Variants in CACNA1E observed in about 807,000 individuals in gnomAD.
The protein encoded by CACNA1E is voltage-dependent R-type calcium channel subunit alpha-1E.
CACNA1E carries 40 observed loss-of-function variants against 259.2 expected under a neutral mutation model. The observed-to-expected ratio is 0.15, with a 90% CI of 0.12 to 0.20. The LOEUF (loss-of-function observed/expected upper bound fraction) is 0.20. CACNA1E is among the 10% of genes least tolerant of loss of function. The probability of loss-of-function intolerance (pLI) is 1.00; values close to 1 mark genes in which losing one functional copy is unlikely to be tolerated. For synonymous variants in CACNA1E, 1,104 were observed against 1,138.5 expected, an observed-to-expected ratio of 0.97 and a Z score of 0.61; for missense variants, 1,874 against 3,040.1, an observed-to-expected ratio of 0.62 and a Z score of 9.02.
intron 1 of CACNA1E, among the ~76,000 whole-genome samples, chr1:181,345,881 T>A (rs916088478): frequency 1.3e-5 from 2 of 149,232 alleles, no homozygotes; most frequent in Admixed American, 1.3e-4. Flanking sequence ...GGGGAGAGAG[T>A]GGCCACAGGA....
At chr1:181,660,186 C>T (rs575581604) in intron 7 of CACNA1E, among the ~76,000 whole-genome samples, 1 of 152,352 alleles carries the variant, frequency 6.6e-6, no homozygotes, top group African/African-American at 2.4e-5. Context: ...GGTTGCATCT[C>T]ATGAATGCAT....
intron 1 of CACNA1E, among the ~76,000 whole-genome samples, chr1:181,379,386 T>G (rs1318768079): frequency 6.6e-6 from 1 of 152,086 alleles, no homozygotes; most frequent in African/African-American, 2.4e-5. Context: ...AAAAGAAACA[T>G]GAAGAAAACT....
In CACNA1E at chr1:181,589,478, G is replaced by A. The variant is rs567872682; in HGVS notation, c.951+8702G>A. Among the ~76,000 whole-genome samples, 12 of 152,192 alleles carry A rather than the reference G, an allele frequency of 7.9e-5. No homozygotes were observed. In the South Asian group the frequency reaches 2.5e-3, roughly 32 times the overall value. On this transcript the variant is annotated intron_variant, in intron 6 of 47. Transcript: ENST00000367573. ...GTACATACATATACTTGTAACAATAGGGCAAACTAAATATAGCGAATAATT... is the reference window on the plus strand; with the variant it reads ...GTACATACATATACTTGTAACAATAAGGCAAACTAAATATAGCGAATAATT...
chr1:181,474,677 T>C (rs927972774), intron 2 of CACNA1E, among the ~76,000 whole-genome samples: 5 of 152,242 alleles, frequency 3.3e-5, no homozygotes, highest in Non-Finnish European at 7.3e-5. Flanking sequence ...GTAGTTGATA[T>C]GGGTTTTTTT....
intron 6 of CACNA1E, among the ~76,000 whole-genome samples, chr1:181,622,982 A>G (rs1165653926): frequency 6.6e-6 from 1 of 152,150 alleles, no homozygotes; most frequent in Non-Finnish European, 1.5e-5. Flanking sequence ...GAAATTTTCT[A>G]ATTTCTTTTA....
intron 38 of CACNA1E, among the ~76,000 whole-genome samples, chr1:181,777,827 G>C (rs192949203): frequency 2.0e-5 from 3 of 152,268 alleles, no homozygotes; most frequent in Admixed American, 2.0e-4. Context: ...GATATCTATG[G>C]GATTGGGAGC....
At chr1:181,350,683 C>A (rs1652979159) in intron 1 of CACNA1E, among the ~76,000 whole-genome samples, 1 of 152,194 alleles carries the variant, frequency 6.6e-6, no homozygotes, top group Non-Finnish European at 1.5e-5. Context: ...TCCACCCAGA[C>A]TGGGGCTCTG....
intron 7 of CACNA1E, among the ~76,000 whole-genome samples, chr1:181,655,026 C>T (rs1572503978): frequency 7.4e-6 from 1 of 135,948 alleles, no homozygotes; most frequent in Non-Finnish European, 1.6e-5. Context: ...ATCTTAAGAA[C>T]ATAGATTTTA....
chr1:181,372,662 C>T (rs546439138), intron 1 of CACNA1E, among the ~76,000 whole-genome samples: 26 of 152,096 alleles, frequency 1.7e-4, no homozygotes, highest in African/African-American at 5.8e-4. Context: ...GAGTGGGCAT[C>T]GTTATCTTGT....
intron 16 of CACNA1E, among the ~76,000 whole-genome samples, 154 bp from the exon 17 acceptor site, chr1:181,724,316 C>T (rs569729094): frequency 6.6e-6 from 1 of 152,294 alleles, no homozygotes; most frequent in African/African-American, 2.4e-5. Flanking sequence ...TACAACATCT[C>T]CCTCTCTGTT....
rs1408691322 is a variant in CACNA1E, at chr1:181,732,300, G to A, written c.2298-84G>A. The A allele has an allele frequency of 1.5e-5, 21 of 1,442,604 alleles. No individual in the cohort carries two copies. Among genetic ancestry groups the A allele is most frequent in the Non-Finnish European group, 1.9e-5 (21 of 1,100,600 alleles). 89.4% of individuals were successfully genotyped at this position (1,442,604 alleles called of 1,614,324 possible). ...CCCATTTGCCCCCACCATGTGTCCTGCCCTCTCACATGGCCCCTGTGGCCA... is the reference window on the plus strand; with the variant it reads ...CCCATTTGCCCCCACCATGTGTCCTACCCTCTCACATGGCCCCTGTGGCCA... On this transcript the variant is annotated intron_variant, in intron 19 of 47. Coordinates refer to ENST00000367573, the MANE Select transcript of CACNA1E (RefSeq NM_001205293.3). This position sits in a 1 kb window ranked among gnomAD's most constrained non-coding sequence, Gnocchi z 5.5.
intron 6 of CACNA1E, among the ~76,000 whole-genome samples, chr1:181,595,860 A>G (rs1474988619): frequency 6.6e-6 from 1 of 152,222 alleles, no homozygotes; most frequent in Admixed American, 6.5e-5. Flanking sequence ...TGTACCTATC[A>G]GCACACCATG....
chr1:181,683,240 T>G (rs537310217), intron 7 of CACNA1E, among the ~76,000 whole-genome samples: 52 of 152,358 alleles, frequency 3.4e-4, no homozygotes, highest in Non-Finnish European at 6.6e-4. Flanking sequence ...ATAGAATTCT[T>G]GTCTGAATTA....
intron 3 of CACNA1E, among the ~76,000 whole-genome samples, chr1:181,543,850 C>G (rs1253123551): frequency 1.3e-5 from 2 of 152,136 alleles, no homozygotes; most frequent in African/African-American, 2.4e-5. Context: ...AAATATTGAG[C>G]AGGAATATGG....
chr1:181,420,327 C>T lies in CACNA1E; in HGVS notation c.434+6747C>T, dbSNP rs556676900. 6.6e-5 allele frequency among the ~76,000 whole-genome samples: 10 copies of T among 152,180 alleles called. No individual in the cohort carries two copies. The East Asian group carries it at 1.7e-3, about 26-fold the overall frequency. ...ATTTTCTTGTACAGAATGTTGTTTTCCTAAGAACCTATTTAAAGGTTTCCT... is the reference window on the plus strand; with the variant it reads ...ATTTTCTTGTACAGAATGTTGTTTTTCTAAGAACCTATTTAAAGGTTTCCT... On this transcript the variant is annotated intron_variant, in intron 2 of 11. Transcript: ENST00000524607.
At chr1:181,523,267 C>G (rs1324940364) in intron 3 of CACNA1E, among the ~76,000 whole-genome samples, 1 of 152,326 alleles carries the variant, frequency 6.6e-6, no homozygotes, top group Middle Eastern at 3.4e-3. Flanking sequence ...CCAGCTGTGA[C>G]TGGTCTGAAC....
In CACNA1E at chr1:181,732,704, C is replaced by A. The variant is rs1316466639; in HGVS notation, c.2618C>A (p.Pro873His). The A allele has an allele frequency of 1.3e-6, 2 of 1,538,364 alleles. No individual in the cohort carries two copies. The highest frequency in any genetic ancestry group is 4.5e-5 in the East Asian group (2 of 44,310). ...RSSALDNQRT[P>H]LSLGQREPPW... ...AGTGCCCTGGACAACCAGAGGACCC[C>A]TTTGTCCCTGGGCCAGCGGGAGCCA... The change falls in exon 20 of 48, where the codon CCT becomes CAT. Residue 873 changes from proline to histidine, a missense_variant. Coordinates refer to ENST00000367573, the MANE Select transcript of CACNA1E (RefSeq NM_001205293.3). The surrounding 1 kb of genome is among the most constrained non-coding windows in gnomAD (Gnocchi z 5.5).
At chr1:181,581,038 A>G (rs1026511259) in intron 6 of CACNA1E, among the ~76,000 whole-genome samples, 1 of 152,220 alleles carries the variant, frequency 6.6e-6, no homozygotes, top group Non-Finnish European at 1.5e-5. Flanking sequence ...AAATTAGTTA[A>G]GTCAGATCAA....
chr1:181,448,884 C>T (rs1322292808), intron 2 of CACNA1E, among the ~76,000 whole-genome samples: 1 of 152,246 alleles, frequency 6.6e-6, no homozygotes, highest in Non-Finnish European at 1.5e-5. Flanking sequence ...GAGAGGCTGC[C>T]TGGGACTCTG....
Sources: allele counts gnomAD v4.1 joint callset (sites outside exome capture counted in the v4.1 genomes callset), GRCh38; gene constraint gnomAD v4.1.1; non-coding constraint Gnocchi (gnomAD v3.1); transcripts MANE v1.5; gene names NCBI Gene and HGNC (gene_info 2026-07-23, HGNC 2026-07-21).